Variants in SPECC1 observed in about 807,000 individuals in gnomAD.
SPECC1 encodes cytospin-B.
In SPECC1, 62 loss-of-function variants were observed where a neutral mutation model predicts 104.1. That is an observed-to-expected ratio of 0.60 (90% CI 0.49 to 0.74). The LOEUF (loss-of-function observed/expected upper bound fraction) is 0.74, where lower values mean the gene tolerates loss of function less well. Among genes scored for constraint, SPECC1 ranks in the 30% least tolerant of loss-of-function variants. The pLI, the probability that SPECC1 is intolerant of heterozygous loss-of-function variation, is 0.00. For missense variants in SPECC1, 1,306 were observed against 1,310.5 expected, an observed-to-expected ratio of 1.00 and a Z score of 0.05; for synonymous variants, 513 against 501.6, an observed-to-expected ratio of 1.02 and a Z score of -0.30.
rs983453230 is a variant in SPECC1, at chr17:20,204,978, G to A, written c.929G>A (p.Arg310Gln). Residue 310 changes from arginine (R) to glutamine (Q), a missense_variant, in exon 4 of 15, where the codon CGG (arginine) becomes CAG (glutamine). Physicochemically the swap from Arg to Gln is conservative, Grantham distance 43. Coordinates refer to ENST00000395527, the MANE Select transcript of SPECC1 (RefSeq NM_001243439.2). ...YKKNIHGNAL[R>Q]TSGSSSSDVT... is the part of the protein sequence containing the mutation. ...AAAAACATACATGGAAATGCATTAC[G>A]GACATCAGGCTCCTCAAGTAGCGAT... 4.3e-6 allele frequency: 7 copies of A among 1,613,970 alleles called. No homozygotes were observed. The Admixed American group carries it at 5.0e-5, about 12-fold the overall frequency.
chr17:20,253,081 G>A (rs1212461554), intron 9 of SPECC1, among the ~76,000 whole-genome samples: 1 of 151,694 alleles, frequency 6.6e-6, no homozygotes, highest in African/African-American at 2.4e-5. Context: ...TAAATGTGAG[G>A]TGGCGTGTCA....
intron 3 of SPECC1, among the ~76,000 whole-genome samples, chr17:20,114,503 G>GT (rs112596381): frequency 0.043 from 5,768 of 134,236 alleles, 315 homozygotes; most frequent in African/African-American, 0.14. Context: ...TTTTTTTTTT[G>GT]TTTTTTTTTT....
intron 9 of SPECC1, 131 bp downstream of exon 9, chr17:20,247,450 A>G: frequency 1.8e-6 from 1 of 564,292 alleles, no homozygotes; most frequent in Non-Finnish European, 3.2e-6. Context: ...ATTGGATTGC[A>G]CTATGCATTA....
At chr17:20,107,725 C>T (rs1205517087) in intron 2 of SPECC1, among the ~76,000 whole-genome samples, 1 of 152,064 alleles carries the variant, frequency 6.6e-6, no homozygotes. Flanking sequence ...GGGGTTTCAC[C>T]ATGTTGACAA....
intron 7 of SPECC1, among the ~76,000 whole-genome samples, chr17:20,239,657 T>C (rs2039102480): frequency 6.6e-6 from 1 of 152,140 alleles, no homozygotes; most frequent in Admixed American, 6.6e-5. Flanking sequence ...TTTATTTTTA[T>C]AGAATGGGTT....
intron 12 of SPECC1, among the ~76,000 whole-genome samples, chr17:20,268,861 C>T (rs561679371): frequency 3.3e-5 from 5 of 152,228 alleles, no homozygotes; most frequent in African/African-American, 9.6e-5. Flanking sequence ...GTGGGGCACC[C>T]GCTCCCACTC....
At chr17:20,210,412 TAC>T (rs2037061235) in intron 4 of SPECC1, among the ~76,000 whole-genome samples, 1 of 152,128 alleles carries the variant, frequency 6.6e-6, no homozygotes, top group Non-Finnish European at 1.5e-5. Flanking sequence ...CTGCCAGGGG[TAC>T]AGGACAGCTC....
At chr17:20,097,124 C>T (rs1323714698) in intron 2 of SPECC1, among the ~76,000 whole-genome samples, 1 of 152,114 alleles carries the variant, frequency 6.6e-6, no homozygotes, top group Non-Finnish European at 1.5e-5. Flanking sequence ...TCTTTGCAGC[C>T]CCCCACAATC....
At chr17:20,109,277 A>G (rs1411370641) in intron 2 of SPECC1, among the ~76,000 whole-genome samples, 2 of 152,254 alleles carry the variant, frequency 1.3e-5, no homozygotes, top group Non-Finnish European at 2.9e-5. Flanking sequence ...GGGCTCGCCC[A>G]CTGCATATCG....
In SPECC1 at chr17:20,315,502, G is replaced by A. The variant is rs1297003427; in HGVS notation, c.*1437G>A. ...CAGTTGTTTGAGGGAAATGGGTAAT[G>A]CCCATCCCTTGCTGTTTTAAGTGCC... On this transcript the variant is annotated 3_prime_UTR_variant, in exon 15 of 15. Transcript: ENST00000395527. 1 of 232,748 alleles carries A rather than the reference G, an allele frequency of 4.3e-6. No individual in the cohort carries two copies. The highest frequency in any genetic ancestry group is 2.2e-5 in the African/African-American group (1 of 45,292). 14.4% of individuals were successfully genotyped at this position (232,748 alleles called of 1,614,324 possible).
intron 4 of SPECC1, among the ~76,000 whole-genome samples, chr17:20,214,140 C>T (rs1016858797): frequency 6.6e-6 from 1 of 152,214 alleles, no homozygotes; most frequent in Non-Finnish European, 1.5e-5. Flanking sequence ...AACCCACGCC[C>T]TGCGGCCTCA....
intron 1 of SPECC1, among the ~76,000 whole-genome samples, chr17:20,031,012 C>T (rs999334127): frequency 2.0e-5 from 3 of 151,764 alleles, no homozygotes; most frequent in Non-Finnish European, 4.4e-5. Context: ...TTTGTTTTTT[C>T]GAGACAGAAT....
chr17:20,184,226 T>C (rs1434412696), intron 3 of SPECC1, among the ~76,000 whole-genome samples: 1 of 150,482 alleles, frequency 6.6e-6, no homozygotes, highest in East Asian at 1.9e-4. Context: ...AGAAATATTA[T>C]TAAAAAGGAC....
intron 7 of SPECC1, chr17:20,238,296 G>A (rs1371397646): frequency 2.9e-6 from 3 of 1,040,560 alleles, no homozygotes; most frequent in Non-Finnish European, 3.5e-6. Context: ...CAGAAACTTA[G>A]TGTTCAAATC....
chr17:20,050,325 A>G (rs1232406361), intron 1 of SPECC1, among the ~76,000 whole-genome samples: 1 of 152,122 alleles, frequency 6.6e-6, no homozygotes, highest in Non-Finnish European at 1.5e-5. Context: ...CTGCTGTCTG[A>G]ACACCATTTG....
At chr17:20,247,410 ATG>A (rs753539207) in intron 9 of SPECC1, 91 bp downstream of exon 9, 75 of 827,492 alleles carry the variant, frequency 9.1e-5, no homozygotes, top group South Asian at 1.3e-4. Flanking sequence ...CCGTGTGTGT[ATG>A]TGTGTGTGTA....
chr17:20,258,174 T>C (rs2039901027), intron 11 of SPECC1, among the ~76,000 whole-genome samples: 1 of 152,176 alleles, frequency 6.6e-6, no homozygotes, highest in South Asian at 2.1e-4. Context: ...TTGTTTCGGA[T>C]TTTGAGGTTG....
intron 3 of SPECC1, among the ~76,000 whole-genome samples, chr17:20,173,578 C>T (rs972596576): frequency 1.3e-5 from 2 of 152,298 alleles, no homozygotes; most frequent in Admixed American, 6.5e-5. Context: ...AAAGGAATGG[C>T]GAAGTAATGA....
At chr17:20,196,052 G>C (rs887464109) in intron 3 of SPECC1, among the ~76,000 whole-genome samples, 6 of 152,088 alleles carry the variant, frequency 3.9e-5, no homozygotes, top group African/African-American at 7.2e-5. Flanking sequence ...TCCACACACA[G>C]AATCTCTTTT....
Sources: allele counts gnomAD v4.1 joint callset (sites outside exome capture counted in the v4.1 genomes callset), GRCh38; gene constraint gnomAD v4.1.1; transcripts MANE v1.5; gene names NCBI Gene and HGNC (gene_info 2026-07-23, HGNC 2026-07-21).